NCAM2: variants seen among roughly 807,000 people sequenced by gnomAD.
NCAM2 encodes neural cell adhesion molecule 2, also known as N-CAM-2.
NCAM2 carries 30 observed loss-of-function variants against 98.1 expected under a neutral mutation model. That is an observed-to-expected ratio of 0.31 (90% CI 0.23 to 0.41). The LOEUF is 0.41. Among genes scored for constraint, NCAM2 ranks in the 10% least tolerant of loss-of-function variants. The pLI is 1.00. For missense variants in NCAM2, 867 were observed against 1,005.8 expected, an observed-to-expected ratio of 0.86 and a Z score of 1.87; for synonymous variants, 368 against 342.4, an observed-to-expected ratio of 1.07 and a Z score of -0.83.
At chr21:21,054,403 C>T (rs980974316) in intron 1 of NCAM2, among the ~76,000 whole-genome samples, 3 of 151,850 alleles carry the variant, frequency 2.0e-5, no homozygotes, top group East Asian at 1.9e-4. Context: ...AACAGATCAG[C>T]GTAAAATGTT....
chr21:21,313,745 C>T (rs1017328614), intron 5 of NCAM2, among the ~76,000 whole-genome samples: 2 of 151,808 alleles, frequency 1.3e-5, no homozygotes, highest in Non-Finnish European at 2.9e-5. Context: ...TTCTTTTTGT[C>T]TTTCATTCTT....
intron 12 of NCAM2, among the ~76,000 whole-genome samples, chr21:21,453,185 A>G (rs879639488): frequency 4.1e-5 from 6 of 146,248 alleles, no homozygotes; most frequent in East Asian, 2.0e-4. Context: ...AAAACAGTTA[A>G]TGATATAAAG....
chr21:21,313,614 G>C (rs1354965731), intron 5 of NCAM2, among the ~76,000 whole-genome samples: 1 of 151,804 alleles, frequency 6.6e-6, no homozygotes, highest in Non-Finnish European at 1.5e-5. Context: ...CTTATAGACA[G>C]CATATAGTTA....
chr21:21,118,926 A>G (rs145342284), intron 1 of NCAM2, among the ~76,000 whole-genome samples: 244 of 152,244 alleles, frequency 1.6e-3, no homozygotes, highest in African/African-American at 5.7e-3. Context: ...TAAGGTTCTT[A>G]ATTTTATGTT....
chr21:21,088,042 AT>A (rs1303198543), intron 1 of NCAM2, among the ~76,000 whole-genome samples: 1 of 152,232 alleles, frequency 6.6e-6, no homozygotes, highest in African/African-American at 2.4e-5. Flanking sequence ...ATATATTGGA[AT>A]CTTACAGAAT....
intron 16 of NCAM2, among the ~76,000 whole-genome samples, chr21:21,528,881 A>G (rs888033305): frequency 6.6e-6 from 1 of 152,162 alleles, no homozygotes; most frequent in Non-Finnish European, 1.5e-5. Context: ...AATAAAATCT[A>G]AAAGAAATAT....
chr21:21,382,493 GA>G (rs70941279), intron 9 of NCAM2, among the ~76,000 whole-genome samples: 2 of 127,110 alleles, frequency 1.6e-5, no homozygotes, highest in African/African-American at 2.9e-5. Context: ...AGCCAATAGT[GA>G]AAGTTTTTGT....
At chr21:21,277,649 C>T (rs2072777940) in intron 1 of NCAM2, among the ~76,000 whole-genome samples, 2 of 152,032 alleles carry the variant, frequency 1.3e-5, no homozygotes, top group South Asian at 2.1e-4. Context: ...AGCAAATAAA[C>T]TTGGAAAGGC....
chr21:21,289,085 T>G (rs1310913281), intron 4 of NCAM2, among the ~76,000 whole-genome samples: 1 of 151,914 alleles, frequency 6.6e-6, no homozygotes, highest in African/African-American at 2.4e-5. Flanking sequence ...TCTTGGCCAG[T>G]TTGGAAATTC....
intron 9 of NCAM2, among the ~76,000 whole-genome samples, chr21:21,400,517 G>C (rs970966779): frequency 1.3e-5 from 2 of 151,886 alleles, no homozygotes; most frequent in African/African-American, 4.8e-5. Flanking sequence ...TACCACCAAG[G>C]ACTACTGCAT....
At chr21:21,057,593 C>T (rs2065238073) in intron 1 of NCAM2, among the ~76,000 whole-genome samples, 1 of 152,126 alleles carries the variant, frequency 6.6e-6, no homozygotes, top group African/African-American at 2.4e-5. Context: ...CGTTACTTGT[C>T]ATCCTTCATC....
rs1267637419 is a variant in NCAM2, at chr21:21,411,120, A to ATACACACATATATGTATATATT, written c.1383+661_1383+662insCACACATATATGTATATATTTA. On this transcript the variant is annotated intron_variant, in intron 10 of 17. Coordinates refer to ENST00000400546, the MANE Select transcript of NCAM2 (RefSeq NM_004540.5). ...TATATATACATATATATGTATATATATATACACATATATATGTATATATAT... is the reference window on the plus strand; with the variant it reads ...TATATATACATATATATGTATATATATACACACATATATGTATATATTTATACACATATATATGTATATATAT... Among the ~76,000 whole-genome samples the ATACACACATATATGTATATATT allele has an allele frequency of 1.8e-4, 14 of 76,840 alleles. 1 individual carries two copies. Among genetic ancestry groups the ATACACACATATATGTATATATT allele is most frequent in the Admixed American group, 6.2e-4 (4 of 6,402 alleles). 50.4% of individuals were successfully genotyped at this position (76,840 alleles called of 152,430 possible).
intron 1 of NCAM2, among the ~76,000 whole-genome samples, chr21:21,188,596 T>C (rs1157617359): frequency 6.6e-6 from 1 of 152,116 alleles, no homozygotes; most frequent in Non-Finnish European, 1.5e-5. Context: ...TAAGCAAGAC[T>C]CTGGACTAAA....
chr21:21,392,799 G>GT lies in NCAM2; in HGVS notation c.1196-17468dup, dbSNP rs1010926130. On this transcript the variant is annotated intron_variant, in intron 9 of 17. Transcript: ENST00000400546. ...CTTTGCCCACTTTTTAATGGGGTTGGTTTTTTTCTTGTAAATTTGTTTAAG... is the reference window on the plus strand; with the variant it reads ...CTTTGCCCACTTTTTAATGGGGTTGGTTTTTTTTCTTGTAAATTTGTTTAAG... 4.6e-5 allele frequency among the ~76,000 whole-genome samples: 7 copies of GT among 151,916 alleles called. No homozygotes were observed. In the East Asian group the frequency reaches 1.4e-3, roughly 29 times the overall value.
chr21:21,215,297 G>C (rs188919744), intron 1 of NCAM2, among the ~76,000 whole-genome samples: 317 of 152,272 alleles, frequency 2.1e-3, no homozygotes, highest in African/African-American at 7.4e-3. Flanking sequence ...ATGGAACACA[G>C]TCATAGAGAT....
At chr21:21,131,751 T>G (rs541935686) in intron 1 of NCAM2, among the ~76,000 whole-genome samples, 1 of 152,328 alleles carries the variant, frequency 6.6e-6, no homozygotes, top group Admixed American at 6.5e-5. Context: ...AATTGTATGC[T>G]TCTCAATTTT....
At chr21:21,045,068 A>G (rs1351562062) in intron 1 of NCAM2, among the ~76,000 whole-genome samples, 5 of 152,204 alleles carry the variant, frequency 3.3e-5, no homozygotes, top group African/African-American at 1.2e-4. Context: ...GTAAATGTCA[A>G]GAATAAAAAT....
intron 10 of NCAM2, 28 bp from the exon 11 acceptor site, chr21:21,418,445 G>C: frequency 6.6e-7 from 1 of 1,517,992 alleles, no homozygotes. Context: ...TTTTAGAATT[G>C]TAACATTTGT....
chr21:21,094,649 G>A (rs754882459), intron 1 of NCAM2, among the ~76,000 whole-genome samples: 6 of 151,572 alleles, frequency 4.0e-5, no homozygotes, highest in African/African-American at 7.3e-5. Context: ...TTCTAAATAC[G>A]TTCTCAGAAT....
Sources: gnomAD v4.1 joint callset for allele counts (sites outside exome capture counted in the v4.1 genomes callset) on GRCh38, gnomAD v4.1.1 for gene constraint, MANE v1.5 for transcripts, NCBI Gene and HGNC (gene_info 2026-07-23, HGNC 2026-07-21) for gene names.